The following RNGTT variants were observed in gnomAD, a reference collection of about 807,000 sequenced individuals.
The protein encoded by RNGTT is mRNA-capping enzyme.
RNGTT carries 33 observed loss-of-function variants against 79.3 expected under a neutral mutation model. That is an observed-to-expected ratio of 0.42 (90% CI 0.32 to 0.56). The LOEUF (loss-of-function observed/expected upper bound fraction) is 0.56, where lower values mean the gene tolerates loss of function less well. Among genes scored for constraint, RNGTT ranks in the 20% least tolerant of loss-of-function variants. The pLI is 0.17. For missense variants in RNGTT, 497 were observed against 739.1 expected (o/e 0.67, Z 3.80); for synonymous variants, 222 against 235.9 (o/e 0.94, Z 0.54).
At chr6:88,838,753 C>T (rs954422865) in intron 11 of RNGTT, among the ~76,000 whole-genome samples, 2 of 152,002 alleles carry the variant, frequency 1.3e-5, no homozygotes, top group African/African-American at 4.8e-5. Flanking sequence ...TAGAAATTGA[C>T]AGCTAATTAT....
At chr6:88,615,238 A>C (rs1334340631) in intron 14 of RNGTT, among the ~76,000 whole-genome samples, 2 of 152,210 alleles carry the variant, frequency 1.3e-5, no homozygotes, top group Non-Finnish European at 2.9e-5. Flanking sequence ...TTTCCTCACA[A>C]TATGGTAGAC....
chr6:88,652,432 A>T (rs1222721420), intron 14 of RNGTT, among the ~76,000 whole-genome samples: 1 of 152,160 alleles, frequency 6.6e-6, no homozygotes, highest in Non-Finnish European at 1.5e-5. Context: ...AAAAAAAACT[A>T]TTTTAAGAGA....
chr6:88,841,787 T>C (rs117316564), intron 11 of RNGTT, among the ~76,000 whole-genome samples: 1,956 of 152,344 alleles, frequency 0.013, 15 homozygotes, highest in Non-Finnish European at 0.019. Flanking sequence ...AACCTGATTC[T>C]GGAATATGAC....
At chr6:88,661,934 T>C (rs765562570) in intron 14 of RNGTT, among the ~76,000 whole-genome samples, 2 of 152,196 alleles carry the variant, frequency 1.3e-5, no homozygotes, top group East Asian at 3.8e-4. Flanking sequence ...ACTGTGTAAC[T>C]GAATCCAACA....
chr6:88,914,156 A>T lies in RNGTT; in HGVS notation c.368-7716T>A, dbSNP rs572742006. Among the ~76,000 whole-genome samples, 3 of 152,296 alleles carry T rather than the reference A, an allele frequency of 2.0e-5. No individual in the cohort carries two copies. The South Asian group carries it at 6.2e-4, about 32-fold the overall frequency. ...ACAGACAACACAAACAAATAAAAAA[A>T]ATTCCATGCTCATGGATTGAAAGAA... On this transcript the variant is annotated intron_variant, in intron 4 of 15. Coordinates refer to ENST00000369485, the MANE Select transcript of RNGTT (RefSeq NM_003800.5).
intron 4 of RNGTT, among the ~76,000 whole-genome samples, chr6:88,915,164 T>C (rs1783959043): frequency 6.6e-6 from 1 of 152,212 alleles, no homozygotes. Flanking sequence ...TATACACTGT[T>C]GGGGGGAATG....
In RNGTT at chr6:88,612,829, T is replaced by C; in HGVS notation, c.1684A>G (p.Ile562Val). Residue 562 changes from isoleucine to valine, a missense_variant, in exon 16 of 16, where the codon ATC becomes GTC. Around this residue, in one of 3 missense-constraint regions of RNGTT, gnomAD observed 53 missense variants for 50.5 expected, o/e 1.05. Coordinates refer to ENST00000369485, the MANE Select transcript of RNGTT (RefSeq NM_003800.5). ...PVTKEMLFEF[I>V]DRCTAASQGQ... ...TGAGAAGCTGCAGTACATCTGTCGA[T>C]GAACTCAAACAGCATCTCCTTGGTG... 2 of 1,613,810 alleles carry C rather than the reference T, an allele frequency of 1.2e-6. No homozygotes were observed. Among genetic ancestry groups the C allele is most frequent in the South Asian group, 2.2e-5 (2 of 91,060 alleles).
chr6:88,830,494 C>T (rs1427156936), intron 11 of RNGTT, among the ~76,000 whole-genome samples: 1 of 152,018 alleles, frequency 6.6e-6, no homozygotes, highest in South Asian at 2.1e-4. Context: ...TAAATCAACA[C>T]CCTAACATCA....
intron 13 of RNGTT, among the ~76,000 whole-genome samples, chr6:88,690,681 G>A (rs974036452): frequency 3.9e-5 from 6 of 152,038 alleles, no homozygotes; most frequent in Admixed American, 2.0e-4. Flanking sequence ...CTGCAGTCCA[G>A]CCTCGGTGAC....
intron 13 of RNGTT, among the ~76,000 whole-genome samples, chr6:88,720,719 T>G (rs1776680252): frequency 1.3e-5 from 2 of 152,234 alleles, no homozygotes; most frequent in South Asian, 2.1e-4. Context: ...TCGAACAGAT[T>G]AGGAATCTGG....
chr6:88,713,841 T>G (rs1279048868), intron 13 of RNGTT, among the ~76,000 whole-genome samples: 13 of 152,172 alleles, frequency 8.5e-5, no homozygotes, highest in Admixed American at 8.5e-4. Flanking sequence ...ACTGAAAAAT[T>G]AGATATTTAC....
intron 13 of RNGTT, among the ~76,000 whole-genome samples, chr6:88,752,636 T>C (rs1348959863): frequency 6.6e-6 from 1 of 152,168 alleles, no homozygotes; most frequent in Non-Finnish European, 1.5e-5. Flanking sequence ...TTTTTGAATA[T>C]ATATACAATA....
chr6:88,653,101 G>C (rs1773856235), intron 14 of RNGTT, among the ~76,000 whole-genome samples: 2 of 152,114 alleles, frequency 1.3e-5, no homozygotes, highest in South Asian at 4.1e-4. Context: ...TGAAATTCAA[G>C]TAAGAGAACT....
intron 13 of RNGTT, among the ~76,000 whole-genome samples, chr6:88,725,520 AT>A (rs1357889172): frequency 1.3e-5 from 2 of 152,254 alleles, no homozygotes; most frequent in Non-Finnish European, 2.9e-5. Flanking sequence ...GTGGTGAAGT[AT>A]TCCTCAGTTG....
chr6:88,755,763 C>T lies in RNGTT; in HGVS notation c.1439+14011G>A, dbSNP rs374397792. The stretch of plus-strand genomic sequence containing the variant: ...GCATCACGAGGTCAGGAGCTCAAGA[C>T]GAGCCTGAACAAGATGGTGAAACCC... On this transcript the variant is annotated intron_variant, in intron 13 of 15. Coordinates refer to ENST00000369485, the MANE Select transcript of RNGTT (RefSeq NM_003800.5). Among the ~76,000 whole-genome samples, 11 of 151,970 alleles carry T rather than the reference C, an allele frequency of 7.2e-5. No individual in the cohort carries two copies. The East Asian group carries it at 1.7e-3, about 24-fold the overall frequency.
intron 6 of RNGTT, among the ~76,000 whole-genome samples, chr6:88,900,531 CCACACAA>C (rs1783414364): frequency 6.6e-6 from 1 of 150,704 alleles, no homozygotes; most frequent in Non-Finnish European, 1.5e-5. Context: ...GTCAGGAGAT[CCACACAA>C]GCCTGGCCAA....
intron 14 of RNGTT, among the ~76,000 whole-genome samples, chr6:88,620,309 A>C (rs925595860): frequency 6.6e-6 from 1 of 152,252 alleles, no homozygotes; most frequent in Non-Finnish European, 1.5e-5. Flanking sequence ...ATTATAGACA[A>C]GTCACAACTA....
intron 11 of RNGTT, among the ~76,000 whole-genome samples, chr6:88,842,329 A>C (rs190168616): frequency 3.9e-5 from 6 of 152,318 alleles, no homozygotes; most frequent in Admixed American, 3.9e-4. Flanking sequence ...CTTAAAAAAA[A>C]CAGAAATACC....
intron 4 of RNGTT, among the ~76,000 whole-genome samples, chr6:88,910,904 A>G (rs1783809809): frequency 6.6e-6 from 1 of 152,248 alleles, no homozygotes; most frequent in South Asian, 2.1e-4. Context: ...TAAGCGAAGG[A>G]GAAATAAAAT....
Sources: allele counts gnomAD v4.1 joint callset (sites outside exome capture counted in the v4.1 genomes callset), GRCh38; gene constraint gnomAD v4.1.1; regional missense constraint gnomAD v4.1.1; transcripts MANE v1.5; gene names NCBI Gene and HGNC (gene_info 2026-07-23, HGNC 2026-07-21).